The following LPCAT1 variants were observed in gnomAD, a reference collection of about 807,000 sequenced individuals.
LPCAT1 encodes 1-acylglycerol-3-phosphate O-acyltransferase.
In LPCAT1, 23 loss-of-function variants were observed where a neutral mutation model predicts 60.9. That is an observed-to-expected ratio of 0.38 (90% confidence interval 0.27 to 0.53). The LOEUF (loss-of-function observed/expected upper bound fraction) is 0.53, where lower values mean the gene tolerates loss of function less well. LPCAT1 is among the 20% of genes least tolerant of loss of function. The pLI is 0.82. For synonymous variants in LPCAT1, 340 were observed against 301.1 expected, an observed-to-expected ratio of 1.13 and a Z score of -1.34; for missense variants, 622 against 723.6, an observed-to-expected ratio of 0.86 and a Z score of 1.61.
chr5:1,480,600 G>A lies in LPCAT1; in HGVS notation c.761+342C>T, dbSNP rs1735100102. ...ACTACTCAGTCTCTGTGCCTGTGCAGACGGGGTCCCCCCAGACACCCCTAA... is the reference window on the plus strand; with the variant it reads ...ACTACTCAGTCTCTGTGCCTGTGCAAACGGGGTCCCCCCAGACACCCCTAA... On this transcript the variant is annotated intron_variant, in intron 7 of 13. Transcript: ENST00000283415. This position sits in a 1 kb window ranked among gnomAD's most constrained non-coding sequence, Gnocchi z 6.4. Among the ~76,000 whole-genome samples, 1 of 152,172 alleles carries A rather than the reference G, an allele frequency of 6.6e-6. No homozygotes were observed. The highest frequency in any genetic ancestry group is 2.4e-5 in the African/African-American group (1 of 41,432).
chr5:1,508,636 C>T (rs1289437348), intron 1 of LPCAT1, among the ~76,000 whole-genome samples: 1 of 152,224 alleles, frequency 6.6e-6, no homozygotes, highest in Non-Finnish European at 1.5e-5. Context: ...CCATCTGAGG[C>T]ACTTTATTAT....
At chr5:1,490,927 TGCTGC>T (rs1312155781) in intron 3 of LPCAT1, among the ~76,000 whole-genome samples, 3 of 152,190 alleles carry the variant, frequency 2.0e-5, no homozygotes, top group Admixed American at 6.5e-5. Context: ...GCTCCTAGGC[TGCTGC>T]AGGTCAGCCC....
rs1736049586 is a variant in LPCAT1 at position 1,502,374 on chromosome 5, G to T, written c.136-771C>A. ...CCCTAGGCAGTGTTGGTGACAGGGG[G>T]AGGTAGCTGGCCTGCAGTTTGCAAG... On this transcript the variant is annotated intron_variant, in intron 1 of 13. Coordinates refer to ENST00000283415, the MANE Select transcript of LPCAT1 (RefSeq NM_024830.5). The surrounding 1 kb of genome is among the most constrained non-coding windows in gnomAD (Gnocchi z 5.5). Among the ~76,000 whole-genome samples, 1 of 152,230 alleles carries T rather than the reference G, an allele frequency of 6.6e-6. No homozygotes were observed. The highest frequency in any genetic ancestry group is 1.5e-5 in the Non-Finnish European group (1 of 68,040).
intron 1 of LPCAT1, among the ~76,000 whole-genome samples, chr5:1,520,823 T>A (rs1391289538): frequency 2.4e-5 from 3 of 126,344 alleles, no homozygotes; most frequent in African/African-American, 3.1e-5. Flanking sequence ...ATATCGCACC[T>A]CTGCACTCCA....
chr5:1,503,518 G>A (rs1243472257), intron 1 of LPCAT1, among the ~76,000 whole-genome samples: 4 of 152,216 alleles, frequency 2.6e-5, no homozygotes, highest in Admixed American at 2.0e-4. Flanking sequence ...TAGCTTCAGC[G>A]CTGTGCAGCT....
In LPCAT1 at chr5:1,483,355, C is replaced by T; in HGVS notation, c.726+73G>A. ...GTGTGGAGAGACAGAGACACAGGTGCACAGAGGCAGCTCGCAGTTCCCGTT... is the reference window on the plus strand; with the variant it reads ...GTGTGGAGAGACAGAGACACAGGTGTACAGAGGCAGCTCGCAGTTCCCGTT... On this transcript the variant is annotated intron_variant, in intron 6 of 13. Coordinates refer to ENST00000283415, the MANE Select transcript of LPCAT1 (RefSeq NM_024830.5). This position sits in a 1 kb window ranked among gnomAD's most constrained non-coding sequence, Gnocchi z 9.2. 1 of 1,457,810 alleles carries T rather than the reference C, an allele frequency of 6.9e-7. No homozygotes were observed. Among genetic ancestry groups the T allele is most frequent in the South Asian group, 1.1e-5 (1 of 88,024 alleles). The allele number at this position is 1,457,810 out of a possible 1,614,324, so 90.3% of individuals were successfully genotyped here.
At chr5:1,518,060 C>T (rs928665559) in intron 1 of LPCAT1, among the ~76,000 whole-genome samples, 1 of 152,248 alleles carries the variant, frequency 6.6e-6, no homozygotes, top group Non-Finnish European at 1.5e-5. Flanking sequence ...GCAGGGCTGA[C>T]GGACGCCTCA....
At chr5:1,484,802 C>T (rs1233818557) in intron 5 of LPCAT1, among the ~76,000 whole-genome samples, 10 of 152,196 alleles carry the variant, frequency 6.6e-5, no homozygotes, top group South Asian at 2.1e-4. Context: ...TCCCTGGGCC[C>T]GTGTGCCGCA....
chr5:1,473,593 G>T (rs938957314), intron 11 of LPCAT1, among the ~76,000 whole-genome samples: 1 of 152,210 alleles, frequency 6.6e-6, no homozygotes, highest in African/African-American at 2.4e-5. Context: ...GGACGGGCGT[G>T]TTATTAGAAA....
chr5:1,467,559 A>G (rs187284821), intron 12 of LPCAT1, among the ~76,000 whole-genome samples: 1 of 151,950 alleles, frequency 6.6e-6, no homozygotes, highest in East Asian at 2.0e-4. Flanking sequence ...CGCTCCCCAC[A>G]ACTCCACGGC....
chr5:1,509,078 T>C (rs115818546), intron 1 of LPCAT1, among the ~76,000 whole-genome samples: 4,009 of 152,370 alleles, frequency 0.026, 78 homozygotes, highest in South Asian at 0.041. Context: ...GATGTCACAC[T>C]GCAGTGCCCC....
intron 12 of LPCAT1, 22 bp from the exon 13 acceptor site, chr5:1,466,912 A>G: frequency 6.5e-7 from 1 of 1,540,702 alleles, no homozygotes; most frequent in South Asian, 1.2e-5. Context: ...ACTGGGTGTC[A>G]CCTTGCAGCC....
At chr5:1,509,114 C>T (rs975182588) in intron 1 of LPCAT1, among the ~76,000 whole-genome samples, 2 of 152,266 alleles carry the variant, frequency 1.3e-5, no homozygotes, top group Admixed American at 6.5e-5. Flanking sequence ...TCCAATGCAC[C>T]TGCAACGAGG....
intron 12 of LPCAT1, among the ~76,000 whole-genome samples, 191 bp downstream of exon 12, chr5:1,470,634 AG>A (rs1026357632): frequency 1.3e-5 from 2 of 152,260 alleles, no homozygotes; most frequent in African/African-American, 2.4e-5. Context: ...TTGCTAATCC[AG>A]GAAGAAATAA....
intron 12 of LPCAT1, among the ~76,000 whole-genome samples, 178 bp downstream of exon 12, chr5:1,470,648 C>G (rs7725503): frequency 0.021 from 3,205 of 152,312 alleles, 122 homozygotes; most frequent in African/African-American, 0.073. Flanking sequence ...AGAAATAAAT[C>G]TGGGAGTTTT....
intron 5 of LPCAT1, among the ~76,000 whole-genome samples, chr5:1,486,281 G>T (rs1474240158): frequency 3.3e-5 from 5 of 152,210 alleles, no homozygotes; most frequent in Non-Finnish European, 4.4e-5. Flanking sequence ...CACCTCAGAG[G>T]CGGCACCCCT....
intron 1 of LPCAT1, among the ~76,000 whole-genome samples, chr5:1,516,003 T>G (rs1444817129): frequency 6.6e-6 from 1 of 152,234 alleles, no homozygotes; most frequent in Non-Finnish European, 1.5e-5. Context: ...CTGTGGGCCC[T>G]GGCAAGTATG....
At chr5:1,507,715 G>A (rs1312815226) in intron 1 of LPCAT1, among the ~76,000 whole-genome samples, 6 of 152,302 alleles carry the variant, frequency 3.9e-5, no homozygotes, top group Admixed American at 1.3e-4. Flanking sequence ...GGGCTGGCTC[G>A]AGGCCTACCC....
In LPCAT1 at chr5:1,483,332, G is replaced by A; in HGVS notation, c.726+96C>T. On this transcript the variant is annotated intron_variant, in intron 6 of 13. Transcript: ENST00000283415. This position sits in a 1 kb window ranked among gnomAD's most constrained non-coding sequence, Gnocchi z 9.2. ...GTGGGCTGTGGCGCAGATAAAGGGT[G>A]TGGAGAGACAGAGACACAGGTGCAC... The A allele has an allele frequency of 1.6e-6, 2 of 1,277,734 alleles. No homozygotes were observed. The highest frequency in any genetic ancestry group is 1.7e-5 in the Admixed American group (1 of 58,630). The allele number at this position is 1,277,734 out of a possible 1,614,324, so 79.1% of individuals were successfully genotyped here.
Sources: gnomAD v4.1 joint callset for allele counts (sites outside exome capture counted in the v4.1 genomes callset) on GRCh38, gnomAD v4.1.1 for gene constraint, Gnocchi (gnomAD v3.1) non-coding constraint, MANE v1.5 for transcripts, NCBI Gene and HGNC (gene_info 2026-07-23, HGNC 2026-07-21) for gene names.